ADGB: variants seen among roughly 807,000 people sequenced by gnomAD.
ADGB encodes the protein calpain-7-like protein.
In ADGB, 172 loss-of-function variants were observed where a neutral mutation model predicts 210.5. That is an observed-to-expected ratio of 0.82 (90% confidence interval 0.72 to 0.93). The LOEUF (loss-of-function observed/expected upper bound fraction) is 0.93, where lower values mean the gene tolerates loss of function less well. Among genes scored for constraint, ADGB ranks in the 40% least tolerant of loss-of-function variants. The probability of loss-of-function intolerance (pLI) is 0.00; values close to 1 mark genes in which losing one functional copy is unlikely to be tolerated. For synonymous variants in ADGB, 658 were observed against 662.7 expected, an observed-to-expected ratio of 0.99 and a Z score of 0.11; for missense variants, 2,025 against 1,964.8, an observed-to-expected ratio of 1.03 and a Z score of -0.58.
chr6:146,647,105 C>CAAAAA lies in ADGB; in HGVS notation c.330+2242_330+2246dup, dbSNP rs71552951. 1.5e-5 allele frequency among the ~76,000 whole-genome samples: 2 copies of CAAAAA among 136,412 alleles called. 1 individual carries two copies. Among genetic ancestry groups the CAAAAA allele is most frequent in the African/African-American group, 5.5e-5 (2 of 36,336 alleles). 89.5% of individuals were successfully genotyped at this position (136,412 alleles called of 152,430 possible). ...GCCTGTCTCAAAAAAAAACAAAAAA[C>CAAAAA]AAAAAACAAAAAACAAACAAACAAA... On this transcript the variant is annotated intron_variant, in intron 3 of 35. Coordinates refer to ENST00000397944, the MANE Select transcript of ADGB (RefSeq NM_024694.4).
chr6:146,679,522 T>G (rs764818869), intron 9 of ADGB, among the ~76,000 whole-genome samples: 1 of 152,188 alleles, frequency 6.6e-6, no homozygotes, highest in Non-Finnish European at 1.5e-5. Context: ...TCATTCGCAA[T>G]TCTAAAATTT....
chr6:146,814,331 A>C (rs917490178), intron 35 of ADGB, among the ~76,000 whole-genome samples: 4 of 152,210 alleles, frequency 2.6e-5, no homozygotes, highest in South Asian at 2.1e-4. Flanking sequence ...GTAAGCAATT[A>C]ATTTGGCCAC....
At chr6:146,806,523 A>T (rs1778214422) in intron 35 of ADGB, among the ~76,000 whole-genome samples, 1 of 152,122 alleles carries the variant, frequency 6.6e-6, no homozygotes, top group African/African-American at 2.4e-5. Flanking sequence ...TTTTGTAAAA[A>T]CTTCGGGAAT....
Position 146,788,563 on chromosome 6 carries a change from C to T in ADGB, c.4490C>T (p.Ser1497Leu), listed in dbSNP as rs1271770509. ...STSSESGGVS[S>L]PGKEEREQST... ...AGTAGCGAAAGTGGAGGAGTGTCTT[C>T]ACCAGGGAAAGAAGAGCGCGAGCAG... Residue 1497 changes from serine (S) to leucine (L), a missense_variant, in exon 33 of 36, where the codon TCA becomes TTA. Physicochemically the swap from Ser to Leu is moderately radical, Grantham distance 145. Coordinates refer to ENST00000397944, the MANE Select transcript of ADGB (RefSeq NM_024694.4). The T allele has an allele frequency of 1.4e-5, 21 of 1,551,700 alleles. No individual in the cohort carries two copies. The highest frequency in any genetic ancestry group is 1.7e-5 in the Non-Finnish European group (19 of 1,146,946).
chr6:146,754,739 T>C (rs1182751724), intron 27 of ADGB, among the ~76,000 whole-genome samples: 2 of 152,048 alleles, frequency 1.3e-5, no homozygotes, highest in Non-Finnish European at 2.9e-5. Context: ...AAAGTGTAGA[T>C]ATATTTTCTA....
chr6:146,716,455 C>T (rs868613966), intron 14 of ADGB, among the ~76,000 whole-genome samples: 91 of 141,538 alleles, frequency 6.4e-4, no homozygotes, highest in Admixed American at 3.1e-3. Context: ...TAGCCGGGCG[C>T]GGTGGCGGGC....
chr6:146,727,975 G>GTTGTT (rs928462740), intron 19 of ADGB, among the ~76,000 whole-genome samples: 8 of 152,136 alleles, frequency 5.3e-5, no homozygotes, highest in African/African-American at 1.2e-4. Context: ...GGGGAAAAAA[G>GTTGTT]TTGTTTTGTT....
chr6:146,787,298 T>C (rs1481537471), intron 32 of ADGB, among the ~76,000 whole-genome samples: 1 of 152,176 alleles, frequency 6.6e-6, no homozygotes, highest in Admixed American at 6.5e-5. Context: ...ACTAAAGTCC[T>C]CCTCGTTTGT....
chr6:146,722,842 T>G (rs1314797454), intron 17 of ADGB, among the ~76,000 whole-genome samples: 1 of 152,298 alleles, frequency 6.6e-6, no homozygotes, highest in South Asian at 2.1e-4. Flanking sequence ...TTCTAATGGA[T>G]AGACAATCTC....
chr6:146,756,015 G>A (rs896595320), intron 27 of ADGB, among the ~76,000 whole-genome samples: 11 of 151,900 alleles, frequency 7.2e-5, no homozygotes, highest in Non-Finnish European at 1.6e-4. Flanking sequence ...GATTCCAGTG[G>A]TGACACTGAC....
chr6:146,784,899 TG>T, intron 31 of ADGB, 105 bp downstream of exon 31: 7 of 1,165,234 alleles, frequency 6.0e-6, no homozygotes, highest in Non-Finnish European at 8.3e-6. Context: ...CCTTTAGTAA[TG>T]GTATCTGAAA....
intron 12 of ADGB, among the ~76,000 whole-genome samples, chr6:146,698,266 A>G (rs936047927): frequency 1.2e-4 from 19 of 152,236 alleles, no homozygotes; most frequent in African/African-American, 3.6e-4. Context: ...ATAAAACTTT[A>G]TTAAAATCAT....
chr6:146,708,179 AATT>A (rs912651583), intron 13 of ADGB, among the ~76,000 whole-genome samples: 2 of 151,988 alleles, frequency 1.3e-5, no homozygotes, highest in Admixed American at 6.6e-5. Context: ...AAATTATTGC[AATT>A]ATTATTATTT....
At chr6:146,771,587 C>G (rs1308501567) in intron 29 of ADGB, among the ~76,000 whole-genome samples, 1 of 152,134 alleles carries the variant, frequency 6.6e-6, no homozygotes, top group Non-Finnish European at 1.5e-5. Context: ...CATTCTCTGT[C>G]TTCTTTTTCT....
chr6:146,616,247 T>C (rs1780797599), intron 1 of ADGB, among the ~76,000 whole-genome samples: 1 of 141,194 alleles, frequency 7.1e-6, no homozygotes, highest in African/African-American at 2.6e-5. Context: ...AATTTGCCTA[T>C]TTTTTAATTG....
chr6:146,804,836 T>TAACA (rs1778187948), intron 35 of ADGB, among the ~76,000 whole-genome samples: 2 of 152,218 alleles, frequency 1.3e-5, no homozygotes, highest in African/African-American at 4.8e-5. Flanking sequence ...TAACATAGTG[T>TAACA]TTGGCAGACT....
chr6:146,611,120 A>G (rs1282607522), intron 1 of ADGB, among the ~76,000 whole-genome samples: 1 of 152,008 alleles, frequency 6.6e-6, no homozygotes, highest in Non-Finnish European at 1.5e-5. Flanking sequence ...GCCCATCTGT[A>G]GAAGCTCTCT....
chr6:146,751,397 T>G (rs546594059), intron 26 of ADGB, among the ~76,000 whole-genome samples: 4 of 152,252 alleles, frequency 2.6e-5, no homozygotes, highest in South Asian at 4.1e-4. Flanking sequence ...GTGTTTGGGT[T>G]AATTCCATGT....
chr6:146,688,339 T>C (rs1180195577), intron 10 of ADGB, among the ~76,000 whole-genome samples: 1 of 152,054 alleles, frequency 6.6e-6, no homozygotes, highest in Non-Finnish European at 1.5e-5. Context: ...TCCTTTCTAA[T>C]GGGTAGCCAG....
Sources: gnomAD v4.1 joint callset for allele counts (sites outside exome capture counted in the v4.1 genomes callset) on GRCh38, gnomAD v4.1.1 for gene constraint, MANE v1.5 for transcripts, NCBI Gene and HGNC (gene_info 2026-07-23, HGNC 2026-07-21) for gene names.